ARFIP1: variants seen among roughly 807,000 people sequenced by gnomAD.
ARFIP1 encodes arfaptin-1.
ARFIP1 carries 24 observed loss-of-function variants against 42.5 expected under a neutral mutation model. That is an observed-to-expected ratio of 0.57 (90% CI 0.41 to 0.80). The LOEUF (loss-of-function observed/expected upper bound fraction) is 0.80. Among genes scored for constraint, ARFIP1 ranks in the 30% least tolerant of loss-of-function variants. ARFIP1 has a pLI of 0.00. For synonymous variants in ARFIP1, 141 were observed against 153.7 expected (o/e 0.92, Z 0.61); for missense variants, 354 against 434.0 (o/e 0.82, Z 1.64).
chr4:152,845,217 G>T (rs1316474278), intron 2 of ARFIP1, among the ~76,000 whole-genome samples: 2 of 152,144 alleles, frequency 1.3e-5, no homozygotes, highest in South Asian at 2.1e-4. Flanking sequence ...ACTTCAGATG[G>T]ATTAAAGATT....
chr4:152,881,217 G>A (rs778530610), intron 6 of ARFIP1, 33 bp downstream of exon 6: 5 of 1,475,258 alleles, frequency 3.4e-6, no homozygotes, highest in Non-Finnish European at 4.7e-6. Context: ...TTAGGGATGG[G>A]AGAAAATGAT....
intron 5 of ARFIP1, among the ~76,000 whole-genome samples, chr4:152,876,896 T>A (rs963466122): frequency 6.6e-5 from 10 of 152,206 alleles, no homozygotes; most frequent in African/African-American, 2.4e-4. Context: ...CCTTGGCAGC[T>A]TTCACATGAT....
intron 8 of ARFIP1, among the ~76,000 whole-genome samples, chr4:152,888,868 A>G (rs1320981938): frequency 2.0e-5 from 3 of 152,176 alleles, no homozygotes; most frequent in African/African-American, 4.8e-5. Context: ...GTGGATTCAT[A>G]TACTAATAGG....
At chr4:152,839,636 C>T (rs1433503164) in intron 2 of ARFIP1, among the ~76,000 whole-genome samples, 1 of 152,084 alleles carries the variant, frequency 6.6e-6, no homozygotes, top group African/African-American at 2.4e-5. Context: ...TCCCCTGTTT[C>T]ATTTCTTTGT....
At chr4:152,861,901 C>A (rs1052350198) in intron 2 of ARFIP1, among the ~76,000 whole-genome samples, 1 of 152,034 alleles carries the variant, frequency 6.6e-6, no homozygotes, top group Non-Finnish European at 1.5e-5. Flanking sequence ...TTTTGGTCAC[C>A]TCTCCATCCT....
intron 1 of ARFIP1, among the ~76,000 whole-genome samples, chr4:152,829,178 C>T (rs1278930289): frequency 6.6e-6 from 1 of 152,210 alleles, no homozygotes; most frequent in Non-Finnish European, 1.5e-5. Context: ...TAACACTTGT[C>T]AACTAAAGTT....
intron 5 of ARFIP1, among the ~76,000 whole-genome samples, chr4:152,873,821 A>C (rs989574745): frequency 1.3e-5 from 2 of 152,142 alleles, no homozygotes; most frequent in Non-Finnish European, 2.9e-5. Flanking sequence ...TCCTTCAGTC[A>C]ATCCCCACTG....
chr4:152,821,598 G>C (rs1004342289), intron 1 of ARFIP1, among the ~76,000 whole-genome samples: 2 of 152,158 alleles, frequency 1.3e-5, no homozygotes, highest in African/African-American at 4.8e-5. Flanking sequence ...AAACTCCCTG[G>C]CCTTGTTGGA....
intron 1 of ARFIP1, among the ~76,000 whole-genome samples, chr4:152,786,878 T>C (rs1193649458): frequency 1.3e-5 from 2 of 152,228 alleles, no homozygotes; most frequent in East Asian, 1.9e-4. Context: ...TCTGGACCAT[T>C]CTTTCTTTAC....
intron 8 of ARFIP1, among the ~76,000 whole-genome samples, chr4:152,899,777 A>C (rs1737666344): frequency 6.6e-6 from 1 of 152,162 alleles, no homozygotes; most frequent in Non-Finnish European, 1.5e-5. Context: ...CTAATCTTTG[A>C]GTACTATAAT....
At chr4:152,838,376 T>G (rs1356110742) in intron 2 of ARFIP1, among the ~76,000 whole-genome samples, 2 of 152,232 alleles carry the variant, frequency 1.3e-5, no homozygotes, top group Non-Finnish European at 2.9e-5. Flanking sequence ...TATGGTCATT[T>G]TCACAATATT....
chr4:152,796,727 T>C, intron 1 of ARFIP1: 1 of 816,176 alleles, frequency 1.2e-6, no homozygotes, highest in African/African-American at 1.7e-5. Flanking sequence ...TTCTTTGCCT[T>C]CTTTGAACAT....
intron 8 of ARFIP1, among the ~76,000 whole-genome samples, chr4:152,900,915 A>G (rs1205529844): frequency 3.9e-5 from 6 of 152,354 alleles, no homozygotes; most frequent in African/African-American, 1.2e-4. Flanking sequence ...CCTATTTCAT[A>G]GAATTATTGG....
At chr4:152,811,493 C>A (rs1008471642) in intron 1 of ARFIP1, among the ~76,000 whole-genome samples, 1 of 152,040 alleles carries the variant, frequency 6.6e-6, no homozygotes, top group African/African-American at 2.4e-5. Context: ...AAGAATATTT[C>A]GAGCATTGTG....
intron 3 of ARFIP1, among the ~76,000 whole-genome samples, chr4:152,867,331 C>CA (rs1253272956): frequency 5.3e-5 from 8 of 152,080 alleles, no homozygotes; most frequent in African/African-American, 1.7e-4. Flanking sequence ...CCGTCTCCAC[C>CA]AAAAAAACAC....
intron 2 of ARFIP1, among the ~76,000 whole-genome samples, chr4:152,836,231 G>A (rs1256943279): frequency 1.3e-5 from 2 of 152,166 alleles, no homozygotes; most frequent in African/African-American, 4.8e-5. Flanking sequence ...TATTGACTAT[G>A]TGATGTTTTA....
chr4:152,784,339 A>G (rs763809363), intron 1 of ARFIP1, among the ~76,000 whole-genome samples: 8 of 152,200 alleles, frequency 5.3e-5, no homozygotes, highest in Non-Finnish European at 1.0e-4. Flanking sequence ...GATATTCTTT[A>G]TGAGACAAAA....
chr4:152,844,814 T>G (rs555724621), intron 2 of ARFIP1, among the ~76,000 whole-genome samples: 1 of 152,262 alleles, frequency 6.6e-6, no homozygotes, highest in Non-Finnish European at 1.5e-5. Context: ...ATTCAGTGCT[T>G]TTCTATTAAA....
chr4:152,796,787 A>G, intron 1 of ARFIP1: 1 of 705,302 alleles, frequency 1.4e-6, no homozygotes, highest in Non-Finnish European at 2.6e-6. Context: ...TGGTAATCCA[A>G]ATGGTATAGC....
Sources: gnomAD v4.1 joint callset for allele counts (sites outside exome capture counted in the v4.1 genomes callset) on GRCh38, gnomAD v4.1.1 for gene constraint, MANE v1.5 for transcripts, NCBI Gene and HGNC (gene_info 2026-07-23, HGNC 2026-07-21) for gene names.